Variants in CAPN3 observed in about 807,000 individuals in gnomAD.
The protein encoded by CAPN3 is calpain-3.
Under a neutral mutation model 114.0 loss-of-function variants are expected in CAPN3, and 88 were observed. The observed-to-expected ratio is 0.77, with a 90% CI of 0.65 to 0.92. The LOEUF (loss-of-function observed/expected upper bound fraction) is 0.92, where lower values mean the gene tolerates loss of function less well. CAPN3 is among the 40% of genes least tolerant of loss of function. CAPN3 has a pLI of 0.00. For missense variants in CAPN3, 1,028 were observed against 1,069.0 expected (o/e 0.96, Z 0.53); for synonymous variants, 386 against 382.9 (o/e 1.01, Z -0.09).
chr15:42,395,362 G>A (rs1331464487), intron 8 of CAPN3, among the ~76,000 whole-genome samples: 1 of 152,162 alleles, frequency 6.6e-6, no homozygotes, highest in Non-Finnish European at 1.5e-5. Flanking sequence ...ACCCACCTGG[G>A]GATGTAGAAA....
chr15:42,404,293 A>G, intron 14 of CAPN3: 1 of 456,492 alleles, frequency 2.2e-6, no homozygotes, highest in Non-Finnish European at 4.4e-6. Flanking sequence ...TTCATCAATG[A>G]GGTGATGTAT....
intron 8 of CAPN3, 152 bp downstream of exon 8, chr15:42,394,493 T>C (rs896947319): frequency 5.6e-6 from 4 of 719,020 alleles, no homozygotes; most frequent in Non-Finnish European, 9.7e-6. Context: ...GCACAGGTGT[T>C]GGCTCCAGGG....
chr15:42,405,804 T>C (rs2054002923), intron 14 of CAPN3, 122 bp from the exon 15 acceptor site: 2 of 750,440 alleles, frequency 2.7e-6, no homozygotes, highest in Non-Finnish European at 4.7e-6. Context: ...GATTCAGATT[T>C]CTGGACCCTG....
At position 42,399,553 on chromosome 15, in the gene CAPN3, G is replaced by A. The variant is rs1177153235; in HGVS notation, c.1255G>A (p.Asp419Asn). The A allele has an allele frequency of 6.2e-6, 10 of 1,613,540 alleles. No homozygotes were observed. Among genetic ancestry groups the A allele is most frequent in the East Asian group, 2.2e-5 (1 of 44,900 alleles). ...GTTGGAGATCTGCAACCTCACGGCCGATGCTCTGCAGTCTGACAAGCTTCA... is the reference window on the plus strand; with the variant it reads ...GTTGGAGATCTGCAACCTCACGGCCAATGCTCTGCAGTCTGACAAGCTTCA... ...TKLEICNLTADALQSDKLQTW... is the reference protein window; with the variant it reads ...TKLEICNLTANALQSDKLQTW... Residue 419 changes from aspartate to asparagine, a missense_variant, in exon 10 of 24, where the codon GAT becomes AAT. Asp to Asn is a conservative substitution (Grantham distance 23). Coordinates refer to ENST00000397163, the MANE Select transcript of CAPN3 (RefSeq NM_000070.3).
chr15:42,368,414 T>TCCTCC (rs1471890363), intron 1 of CAPN3, among the ~76,000 whole-genome samples: 3 of 152,200 alleles, frequency 2.0e-5, no homozygotes, highest in African/African-American at 4.8e-5. Flanking sequence ...AGGAAATACG[T>TCCTCC]GTGTCAGATA....
intron 23 of CAPN3, among the ~76,000 whole-genome samples, 165 bp from the exon 24 acceptor site, chr15:42,411,582 G>C (rs926239645): frequency 6.7e-6 from 1 of 150,214 alleles, no homozygotes; most frequent in African/African-American, 2.5e-5. Flanking sequence ...TCTTAGGGAA[G>C]ATCTAGGAGA....
chr15:42,374,995 A>G (rs868238646), intron 1 of CAPN3, among the ~76,000 whole-genome samples: 188 of 113,032 alleles, frequency 1.7e-3, no homozygotes, highest in Middle Eastern at 4.2e-3. Context: ...AAATTTATTT[A>G]TTTATTTATT....
intron 9 of CAPN3, among the ~76,000 whole-genome samples, chr15:42,397,770 C>CA (rs1359786582): frequency 6.6e-6 from 1 of 152,096 alleles, no homozygotes; most frequent in African/African-American, 2.4e-5. Flanking sequence ...GGGCTGGTCT[C>CA]AAACTCCTGG....
intron 3 of CAPN3, among the ~76,000 whole-genome samples, chr15:42,386,919 G>A (rs1475082532): frequency 1.3e-5 from 2 of 152,106 alleles, no homozygotes; most frequent in Non-Finnish European, 2.9e-5. Flanking sequence ...ATGCTGGGGA[G>A]TCAGCCTGTC....
chr15:42,401,428 A>T (rs2053857896), intron 10 of CAPN3, among the ~76,000 whole-genome samples: 2 of 151,084 alleles, frequency 1.3e-5, no homozygotes, highest in Non-Finnish European at 2.9e-5. Flanking sequence ...GAGGAAGGAA[A>T]AGCCACACAT....
At chr15:42,393,595 CTTT>C (rs199564761) in intron 7 of CAPN3, among the ~76,000 whole-genome samples, 1 of 128,838 alleles carries the variant, frequency 7.8e-6, no homozygotes. Flanking sequence ...TTCTTTCTTT[CTTT>C]TTTTTTTTTT....
chr15:42,403,861 T>C, intron 14 of CAPN3, 84 bp downstream of exon 14: 1 of 1,215,888 alleles, frequency 8.2e-7, no homozygotes, highest in Middle Eastern at 1.9e-4. Context: ...CAGGGGAGAA[T>C]GGGCACTGGC....
At chr15:42,376,805 A>C (rs1327348533) in intron 1 of CAPN3, among the ~76,000 whole-genome samples, 1 of 152,230 alleles carries the variant, frequency 6.6e-6, no homozygotes, top group African/African-American at 2.4e-5. Context: ...ACATATCTAT[A>C]ATATTTCTAT....
At chr15:42,369,298 C>T (rs1299127712) in intron 1 of CAPN3, among the ~76,000 whole-genome samples, 2 of 152,038 alleles carry the variant, frequency 1.3e-5, no homozygotes, top group Admixed American at 6.5e-5. Context: ...GGCTGATGCC[C>T]TTTGGGTTGG....
In CAPN3 at chr15:42,410,593, T is replaced by C. The variant is rs2141224176; in HGVS notation, c.2190T>C (p.Ile730=). The change falls in exon 21 of 24, where the codon ATT becomes ATC. Residue 730 remains isoleucine, a synonymous_variant. Coordinates refer to ENST00000397163, the MANE Select transcript of CAPN3 (RefSeq NM_000070.3). Reference sequence around the variant, plus strand: ...CTCAAATTTTCTATTGCCAGAAAATTTTCAAACACTATGACACAGACCAGT... The same window carrying C: ...CTCAAATTTTCTATTGCCAGAAAATCTTCAAACACTATGACACAGACCAGT... The part of the protein sequence containing the change: ...LWNKIKAWQK[I]FKHYDTDQSG... 1 of 1,613,522 alleles carries C rather than the reference T, an allele frequency of 6.2e-7. No individual in the cohort carries two copies.
Position 42,386,067 on chromosome 15 carries a change from G to GT in CAPN3, c.380-99dup, listed in dbSNP as rs1185186133. On this transcript the variant is annotated intron_variant, in intron 2 of 23. Transcript: ENST00000397163. ...AAGTAGGAGAGTGGGCACCAAGGGA[G>GT]TCCCCGTTCAGGGAAGTGGAGTGGC... is the stretch of plus-strand genomic sequence containing the variant. 13 of 835,662 alleles carry GT rather than the reference G, an allele frequency of 1.6e-5. No individual in the cohort carries two copies. In the Admixed American group the frequency reaches 2.2e-4, roughly 14 times the overall value. The allele number at this position is 835,662 out of a possible 1,614,324, so 51.8% of individuals were successfully genotyped here.
Position 42,399,631 on chromosome 15 carries a change from G to A in CAPN3, c.1333G>A (p.Gly445Arg), listed in dbSNP as rs773827877. 3.1e-6 allele frequency: 5 copies of A among 1,605,606 alleles called. No homozygotes were observed. Among genetic ancestry groups the A allele is most frequent in the Non-Finnish European group, 4.3e-6 (5 of 1,175,210 alleles). ...EGRWVRGCSA[G>R]GCRNFPDTFW... is the part of the protein sequence containing the mutation. ...CCGCTGGGTACGGGGTTGCTCTGCC[G>A]GAGGCTGCCGCAACTTCCCAGGTGG... The change falls in exon 10 of 24, where the codon GGA (glycine) becomes AGA (arginine). Residue 445 changes from glycine (G) to arginine (R), a missense_variant. Transcript: ENST00000397163.
rs770651810 is a variant in CAPN3, at chr15:42,394,290, G to A, written c.1064G>A (p.Arg355Gln). The A allele has an allele frequency of 7.7e-6, 12 of 1,562,910 alleles. No individual in the cohort carries two copies. The highest frequency in any genetic ancestry group is 7.1e-5 in the East Asian group (3 of 42,016). The change falls in exon 8 of 24, where the codon CGG becomes CAG. Residue 355 changes from arginine (R) to glutamine (Q), a missense_variant. Physicochemically the swap from Arg to Gln is conservative, Grantham distance 43. Coordinates refer to ENST00000397163, the MANE Select transcript of CAPN3 (RefSeq NM_000070.3). The stretch of plus-strand genomic sequence containing the variant: ...AAAGGTGAGAAAGTGAAGCTGGTGC[G>A]GCTGCGGAATCCGTGGGGCCAGGTG... ...PFKGEKVKLVRLRNPWGQVEW... is the reference protein window; with the variant it reads ...PFKGEKVKLVQLRNPWGQVEW...
chr15:42,404,009 G>T lies in CAPN3; in HGVS notation c.1782+232G>T, dbSNP rs150078729. 4.2e-4 allele frequency: 268 copies of T among 638,304 alleles called. No individual in the cohort carries two copies. In the African/African-American group the frequency reaches 4.5e-3, roughly 11 times the overall value. 39.5% of individuals were successfully genotyped at this position (638,304 alleles called of 1,614,324 possible). The stretch of plus-strand genomic sequence containing the variant: ...TCAGGGGCTGGGAAATATGGAAGAG[G>T]GTCCTGGAAAGGAGAAGCAATTTGA... On this transcript the variant is annotated intron_variant, in intron 14 of 23. Transcript: ENST00000397163.
Sources: gnomAD v4.1 joint callset for allele counts (sites outside exome capture counted in the v4.1 genomes callset) on GRCh38, gnomAD v4.1.1 for gene constraint, MANE v1.5 for transcripts, NCBI Gene and HGNC (gene_info 2026-07-23, HGNC 2026-07-21) for gene names.